The following RUFY3 variants were observed in gnomAD, a reference collection of about 807,000 sequenced individuals.
RUFY3 encodes RUN and FYVE domain containing 3, also known as protein RUFY3.
In RUFY3, 34 loss-of-function variants were observed where a neutral mutation model predicts 84.0. That is an observed-to-expected ratio of 0.40 (90% CI 0.31 to 0.54). RUFY3 has a LOEUF of 0.54. RUFY3 is among the 20% of genes least tolerant of loss of function. The probability of loss-of-function intolerance (pLI) is 0.39; values close to 1 mark genes in which losing one functional copy is unlikely to be tolerated. For missense variants in RUFY3, 507 were observed against 736.8 expected, an observed-to-expected ratio of 0.69 and a Z score of 3.61; for synonymous variants, 242 against 252.9, an observed-to-expected ratio of 0.96 and a Z score of 0.41.
intron 14 of RUFY3, among the ~76,000 whole-genome samples, chr4:70,798,473 A>G (rs1731804738): frequency 6.6e-6 from 1 of 152,200 alleles, no homozygotes; most frequent in African/African-American, 2.4e-5. Context: ...TGTGTGCCTC[A>G]GAAAAAAATG....
chr4:70,775,944 C>CAAA (rs11369578), intron 7 of RUFY3, among the ~76,000 whole-genome samples: 2 of 132,278 alleles, frequency 1.5e-5, no homozygotes, highest in Non-Finnish European at 3.1e-5. Flanking sequence ...CTGTCTTAAA[C>CAAA]AAAAAAAAAA....
At chr4:70,800,723 C>T (rs1035469393) in intron 15 of RUFY3, among the ~76,000 whole-genome samples, 10 of 151,736 alleles carry the variant, frequency 6.6e-5, no homozygotes, top group Non-Finnish European at 1.5e-4. Flanking sequence ...TCTCTACTAA[C>T]GATACAAAAT....
At chr4:70,750,880 G>A (rs998920534) in intron 1 of RUFY3, among the ~76,000 whole-genome samples, 5 of 152,018 alleles carry the variant, frequency 3.3e-5, no homozygotes, top group African/African-American at 1.2e-4. Context: ...CTTAGTATAT[G>A]TTTTCAAGGG....
intron 1 of RUFY3, among the ~76,000 whole-genome samples, chr4:70,710,618 C>T (rs1249499359): frequency 2.6e-5 from 4 of 151,506 alleles, no homozygotes; most frequent in African/African-American, 9.7e-5. Flanking sequence ...TGTGGTGAGC[C>T]GAGATTGCGC....
intron 1 of RUFY3, among the ~76,000 whole-genome samples, chr4:70,743,419 C>T (rs572570505): frequency 6.6e-6 from 1 of 152,156 alleles, no homozygotes; most frequent in Non-Finnish European, 1.5e-5. Context: ...AGGTTTAAGG[C>T]TTTAATTCCT....
chr4:70,730,768 C>G (rs1429854347), intron 1 of RUFY3, among the ~76,000 whole-genome samples: 1 of 151,862 alleles, frequency 6.6e-6, no homozygotes, highest in Non-Finnish European at 1.5e-5. Flanking sequence ...GTAAAATAAG[C>G]TGACATTCAA....
intron 1 of RUFY3, among the ~76,000 whole-genome samples, chr4:70,705,689 A>G (rs1271931753): frequency 1.3e-5 from 2 of 152,016 alleles, no homozygotes; most frequent in African/African-American, 4.8e-5. Context: ...ACCTTCCCCG[A>G]AGGAGTCTAA....
At chr4:70,745,301 C>G (rs926534035) in intron 1 of RUFY3, among the ~76,000 whole-genome samples, 9 of 152,140 alleles carry the variant, frequency 5.9e-5, no homozygotes, top group Non-Finnish European at 1.3e-4. Flanking sequence ...TAACTTATAT[C>G]TACTAGAATA....
At position 70,769,082 on chromosome 4, in the gene RUFY3, C is replaced by G. The variant is rs1038090717; in HGVS notation, c.696+421C>G. ...AAGTTTGTTTATACTAGGCCAGGTG[C>G]GATTGTTCACACCTGTAATCCCTGC... On this transcript the variant is annotated intron_variant, in intron 5 of 17. Coordinates refer to ENST00000381006, the MANE Select transcript of RUFY3 (RefSeq NM_001037442.4). Among the ~76,000 whole-genome samples, 3 of 152,062 alleles carry G rather than the reference C, an allele frequency of 2.0e-5. 1 individual carries two copies. Among genetic ancestry groups the G allele is most frequent in the African/African-American group, 7.2e-5 (3 of 41,400 alleles).
chr4:70,773,155 G>A (rs1727269102), intron 5 of RUFY3, among the ~76,000 whole-genome samples: 2 of 152,104 alleles, frequency 1.3e-5, no homozygotes, highest in Admixed American at 1.3e-4. Context: ...AACTTCTACA[G>A]GGGAAATGTG....
Position 70,768,673 on chromosome 4 carries a change from A to G in RUFY3, c.696+12A>G. 6.2e-7 allele frequency: 1 copy of G among 1,612,840 alleles called. No homozygotes were observed. Among genetic ancestry groups the G allele is most frequent in the East Asian group, 2.2e-5 (1 of 44,852 alleles). ...ACTTGGACTCTCAGGTATGGGAAAG[A>G]GACTCATTCCCATGGGTGTCACTCT... On this transcript the variant is annotated intron_variant, in intron 5 of 17. Coordinates refer to ENST00000381006, the MANE Select transcript of RUFY3 (RefSeq NM_001037442.4).
chr4:70,720,755 CACTT>C (rs1017324688), upstream of RUFY3, among the ~76,000 whole-genome samples: 3 of 152,126 alleles, frequency 2.0e-5, no homozygotes, highest in East Asian at 3.9e-4. Flanking sequence ...AACAAACAAA[CACTT>C]TCTTTCAATT....
rs2148827091 is a variant in RUFY3, at chr4:70,807,970, C to T, written c.*1311C>T. ...CCATGGGGGATTGGTTCCAGGAACC[C>T]AACTTGATATCAGAATCCATGGGTG... On this transcript the variant is annotated 3_prime_UTR_variant, in exon 18 of 18. Coordinates refer to ENST00000381006, the MANE Select transcript of RUFY3 (RefSeq NM_001037442.4). 6.6e-6 allele frequency among the ~76,000 whole-genome samples: 1 copy of T among 152,172 alleles called. No homozygotes were observed. Among genetic ancestry groups the T allele is most frequent in the East Asian group, 1.9e-4 (1 of 5,186 alleles).
chr4:70,749,874 A>T (rs1722854889), intron 1 of RUFY3, among the ~76,000 whole-genome samples: 1 of 151,592 alleles, frequency 6.6e-6, no homozygotes, highest in African/African-American at 2.4e-5. Context: ...CCTGGTCTTG[A>T]CTCCTGAGGT....
At chr4:70,804,303 AT>A (rs1239954970) in intron 16 of RUFY3, 44 bp from the exon 17 acceptor site, 9 of 1,508,056 alleles carry the variant, frequency 6.0e-6, no homozygotes, top group Non-Finnish European at 8.3e-6. Context: ...AAGTACTAAT[AT>A]TTCTGGCACT....
chr4:70,705,507 T>C (rs1237327478), intron 1 of RUFY3, among the ~76,000 whole-genome samples: 2 of 152,078 alleles, frequency 1.3e-5, no homozygotes, highest in African/African-American at 4.8e-5. Context: ...CGCCGGATTC[T>C]ACCTCCGCGT....
intron 10 of RUFY3, among the ~76,000 whole-genome samples, chr4:70,787,187 A>AAAAAAAAATATATAT (rs1553920475): frequency 1.2e-5 from 1 of 81,474 alleles, no homozygotes; most frequent in African/African-American, 5.2e-5. Context: ...AAAAAAAAAA[A>AAAAAAAAATATATAT]ATATATATAT....
intron 4 of RUFY3, among the ~76,000 whole-genome samples, chr4:70,764,920 T>C (rs1489893581): frequency 6.6e-6 from 1 of 152,150 alleles, no homozygotes; most frequent in Non-Finnish European, 1.5e-5. Context: ...GTGCAGTGGT[T>C]CACGCCTGTA....
chr4:70,783,203 T>C lies in RUFY3; in HGVS notation c.987+20T>C, dbSNP rs368783435. On this transcript the variant is annotated intron_variant, in intron 9 of 17. Coordinates refer to ENST00000381006, the MANE Select transcript of RUFY3 (RefSeq NM_001037442.4). ...CGGAAGGTTAATCTTACTGGATTTA[T>C]AAAATATTCACTGAGAGCATATCAA... 83 of 1,460,156 alleles carry C rather than the reference T, an allele frequency of 5.7e-5. 1 individual carries two copies. Among genetic ancestry groups the C allele is most frequent in the Non-Finnish European group, 1.2e-5 (12 of 1,043,192 alleles). 90.4% of individuals were successfully genotyped at this position (1,460,156 alleles called of 1,614,324 possible).
Sources: allele counts gnomAD v4.1 joint callset (sites outside exome capture counted in the v4.1 genomes callset), GRCh38; gene constraint gnomAD v4.1.1; transcripts MANE v1.5; gene names NCBI Gene and HGNC (gene_info 2026-07-23, HGNC 2026-07-21).